ANKS1B: variants seen among roughly 807,000 people sequenced by gnomAD.
ANKS1B encodes ankyrin repeat and sterile alpha motif domain-containing protein 1B.
In ANKS1B, 36 loss-of-function variants were observed where a neutral mutation model predicts 148.3. The ratio of observed to expected loss-of-function variants is 0.24; its 90% CI spans 0.19 to 0.32. ANKS1B has a LOEUF of 0.32. Among genes scored for constraint, ANKS1B ranks in the 10% least tolerant of loss-of-function variants. The pLI is 1.00. For missense variants in ANKS1B, 1,157 were observed against 1,542.6 expected, an observed-to-expected ratio of 0.75 and a Z score of 4.19; for synonymous variants, 542 against 560.8, an observed-to-expected ratio of 0.97 and a Z score of 0.47.
chr12:99,010,681 CT>C (rs2099938799), intron 17 of ANKS1B, among the ~76,000 whole-genome samples: 1 of 151,842 alleles, frequency 6.6e-6, no homozygotes, highest in African/African-American at 2.4e-5. Flanking sequence ...ACACAGTTCT[CT>C]TTGGAAATAA....
chr12:98,860,134 A>G (rs1470425569), intron 17 of ANKS1B, among the ~76,000 whole-genome samples: 1 of 152,270 alleles, frequency 6.6e-6, no homozygotes, highest in African/African-American at 2.4e-5. Flanking sequence ...AAATTCTGCA[A>G]TCTTAAAGAT....
intron 8 of ANKS1B, among the ~76,000 whole-genome samples, chr12:99,738,691 A>T (rs769317768): frequency 7.2e-5 from 11 of 152,206 alleles, no homozygotes; most frequent in Non-Finnish European, 1.2e-4. Flanking sequence ...ACATCACAGA[A>T]TTGAAGAACT....
chr12:99,820,657 C>A (rs546053105), intron 2 of ANKS1B, among the ~76,000 whole-genome samples: 1 of 152,086 alleles, frequency 6.6e-6, no homozygotes, highest in East Asian at 1.9e-4. Context: ...TCTTCTCTGG[C>A]TCTGAGATAC....
chr12:99,880,387 C>T (rs987351126), intron 1 of ANKS1B, among the ~76,000 whole-genome samples: 4 of 152,186 alleles, frequency 2.6e-5, no homozygotes, highest in Admixed American at 2.6e-4. Context: ...AATCTGGTTC[C>T]ATCGTCTTTG....
intron 22 of ANKS1B, among the ~76,000 whole-genome samples, chr12:98,786,640 G>A (rs368081151): frequency 2.6e-5 from 4 of 152,174 alleles, no homozygotes; most frequent in South Asian, 2.1e-4. Context: ...CAGAGTGCAC[G>A]AACTCTAATC....
At chr12:98,945,817 T>C (rs2099844584) in intron 17 of ANKS1B, among the ~76,000 whole-genome samples, 1 of 152,170 alleles carries the variant, frequency 6.6e-6, no homozygotes, top group South Asian at 2.1e-4. Context: ...ATCATAAAGC[T>C]CATGTGCTAC....
intron 12 of ANKS1B, among the ~76,000 whole-genome samples, chr12:99,337,596 T>G (rs947871682): frequency 2.0e-5 from 3 of 152,156 alleles, no homozygotes; most frequent in Non-Finnish European, 4.4e-5. Context: ...AGGTATTTAT[T>G]GTAGTTTTCT....
chr12:98,815,367 G>A (rs1392419906), intron 19 of ANKS1B, among the ~76,000 whole-genome samples: 3 of 152,094 alleles, frequency 2.0e-5, no homozygotes, highest in South Asian at 2.1e-4. Context: ...TGACACCCTT[G>A]ATCACTCCTC....
intron 8 of ANKS1B, among the ~76,000 whole-genome samples, chr12:99,732,505 G>A (rs1210682675): frequency 6.6e-6 from 1 of 152,034 alleles, no homozygotes. Context: ...ACAAAAGACT[G>A]TATGATTCTA....
chr12:99,645,055 G>A (rs565495874), intron 9 of ANKS1B, among the ~76,000 whole-genome samples: 1 of 152,270 alleles, frequency 6.6e-6, no homozygotes, highest in South Asian at 2.1e-4. Context: ...AAGTTCCTCT[G>A]CCACATAAGG....
chr12:99,020,679 C>T (rs2099945255), intron 17 of ANKS1B, among the ~76,000 whole-genome samples: 1 of 151,988 alleles, frequency 6.6e-6, no homozygotes, highest in African/African-American at 2.4e-5. Flanking sequence ...ATTAATTGGT[C>T]ATTTTTTTGG....
At chr12:99,556,771 A>G (rs1000938790) in intron 9 of ANKS1B, among the ~76,000 whole-genome samples, 9 of 151,984 alleles carry the variant, frequency 5.9e-5, no homozygotes, top group African/African-American at 2.2e-4. Context: ...TATTCTTAGT[A>G]TTGGTTTCTA....
intron 9 of ANKS1B, among the ~76,000 whole-genome samples, chr12:99,506,577 T>C (rs767848022): frequency 2.6e-5 from 4 of 151,988 alleles, no homozygotes; most frequent in Non-Finnish European, 4.4e-5. Context: ...AGAAGCCTTA[T>C]AGCCACATAA....
chr12:99,485,397 G>A lies in ANKS1B; in HGVS notation c.1438+19079C>T, dbSNP rs950095749. Reference sequence around the variant, plus strand: ...TAGTCTGATAGGTTTTCCTTTGTACGTTACCTGATGTTTTTGTCTTACTGC... The same window carrying A: ...TAGTCTGATAGGTTTTCCTTTGTACATTACCTGATGTTTTTGTCTTACTGC... On this transcript the variant is annotated intron_variant, in intron 10 of 26. Transcript: ENST00000683438. Among the ~76,000 whole-genome samples, 8 of 152,120 alleles carry A rather than the reference G, an allele frequency of 5.3e-5. No individual in the cohort carries two copies. In the East Asian group the frequency reaches 7.7e-4, roughly 15 times the overall value.
chr12:99,652,242 G>A (rs2098425290), intron 9 of ANKS1B, among the ~76,000 whole-genome samples: 1 of 152,038 alleles, frequency 6.6e-6, no homozygotes, highest in East Asian at 1.9e-4. Context: ...GGAAGCCGAG[G>A]CGGGCAGATC....
intron 17 of ANKS1B, among the ~76,000 whole-genome samples, chr12:98,921,870 T>C (rs532877877): frequency 6.6e-6 from 1 of 152,308 alleles, no homozygotes; most frequent in African/African-American, 2.4e-5. Context: ...AGTTCTAAAT[T>C]TGAACAAAGT....
intron 14 of ANKS1B, among the ~76,000 whole-genome samples, chr12:99,237,336 G>A (rs934462692): frequency 6.6e-6 from 1 of 151,998 alleles, no homozygotes; most frequent in Middle Eastern, 3.2e-3. Flanking sequence ...ATATATGTGT[G>A]TGTATGTGTT....
At chr12:98,974,370 C>T (rs1554547) in intron 17 of ANKS1B, among the ~76,000 whole-genome samples, 14,950 of 152,072 alleles carry the variant, frequency 0.098, 1,480 homozygotes, top group African/African-American at 0.24. Flanking sequence ...ACAAGTAATA[C>T]GAATATAACA....
chr12:99,701,767 C>A (rs1304401289), intron 8 of ANKS1B, among the ~76,000 whole-genome samples: 1 of 152,072 alleles, frequency 6.6e-6, no homozygotes, highest in African/African-American at 2.4e-5. Flanking sequence ...ATTTTTAGAT[C>A]CCACAAATGA....
Sources: allele counts gnomAD v4.1 joint callset (sites outside exome capture counted in the v4.1 genomes callset), GRCh38; gene constraint gnomAD v4.1.1; transcripts MANE v1.5; gene names NCBI Gene and HGNC (gene_info 2026-07-23, HGNC 2026-07-21).